ACP2: variants seen among roughly 807,000 people sequenced by gnomAD.
ACP2 encodes the protein acid phosphatase 2, lysosomal, also known as lysosomal acid phosphatase.
ACP2 carries 35 observed loss-of-function variants against 54.7 expected under a neutral mutation model. The ratio of observed to expected loss-of-function variants is 0.64; its 90% CI spans 0.49 to 0.85. The LOEUF (loss-of-function observed/expected upper bound fraction) is 0.85, where lower values mean the gene tolerates loss of function less well. Among genes scored for constraint, ACP2 ranks in the 40% least tolerant of loss-of-function variants. ACP2 has a pLI of 0.00. For missense variants in ACP2, 492 were observed against 565.0 expected, an observed-to-expected ratio of 0.87 and a Z score of 1.31; for synonymous variants, 210 against 224.4, an observed-to-expected ratio of 0.94 and a Z score of 0.57.
At chr11:47,241,768 G>A (rs1407582715) in intron 10 of ACP2, among the ~76,000 whole-genome samples, 1 of 152,210 alleles carries the variant, frequency 6.6e-6, no homozygotes, top group African/African-American at 2.4e-5. Context: ...TCGTGGCATT[G>A]ACTGAAACAA....
chr11:47,240,764 T>G (rs1419645046), intron 10 of ACP2, among the ~76,000 whole-genome samples: 1 of 149,140 alleles, frequency 6.7e-6, no homozygotes, highest in Non-Finnish European at 1.5e-5. Flanking sequence ...GAGGTTGCAG[T>G]GAGCCGAGAT....
Position 47,239,923 on chromosome 11 carries a change from A to G in ACP2, c.*193T>C, listed in dbSNP as rs548241474. 20 of 595,106 alleles carry G rather than the reference A, an allele frequency of 3.4e-5. No individual in the cohort carries two copies. In the South Asian group the frequency reaches 4.4e-4, roughly 13 times the overall value. The allele number at this position is 595,106 out of a possible 1,614,324, so 36.9% of individuals were successfully genotyped here. A position where few individuals can be genotyped will look rare whatever the true frequency, so the allele number is the denominator to read the frequency against. ...CCAGTGTCCAACACAGCACTTGGTA[A>G]ACATCAGGCATGGGAATGCTGAGTG... On this transcript the variant is annotated 3_prime_UTR_variant, in exon 11 of 11. Coordinates refer to ENST00000672073, the MANE Select transcript of ACP2 (RefSeq NM_001610.4).
At chr11:47,244,081 G>A (rs1953966371) in intron 7 of ACP2, among the ~76,000 whole-genome samples, 1 of 152,152 alleles carries the variant, frequency 6.6e-6, no homozygotes, top group African/African-American at 2.4e-5. Context: ...AGGCTGCAAT[G>A]AGCCGAGATC....
Position 47,248,740 on chromosome 11 carries a change from A to AGGAGCTGGAGGAGAGCCGCCCGGCT in ACP2, c.25_49dup (p.Leu17GlnfsTer100). 6.2e-7 allele frequency: 1 copy of AGGAGCTGGAGGAGAGCCGCCCGGCT among 1,609,418 alleles called. No individual in the cohort carries two copies. The highest frequency in any genetic ancestry group is 8.5e-7 in the Non-Finnish European group (1 of 1,178,212). ...CATCACCACCAGGTTCACGCCGAGA[A>AGGAGCTGGAGGAGAGCCGCCCGGCT]GGAGCTGGAGGAGAGCCGCCCGGCT... is the stretch of plus-strand genomic sequence containing the variant. On this transcript the variant is annotated frameshift_variant, in exon 1 of 11. Coordinates refer to ENST00000672073, the MANE Select transcript of ACP2 (RefSeq NM_001610.4). LOFTEE classifies it high-confidence loss of function.
intron 1 of ACP2, 63 bp from the exon 2 acceptor site, chr11:47,248,196 T>C: frequency 6.9e-7 from 1 of 1,458,708 alleles, no homozygotes; most frequent in Non-Finnish European, 9.3e-7. Context: ...ACCCAGAGCC[T>C]ACCTTTTGCC....
At chr11:47,243,213 G>C (rs777305288) in intron 8 of ACP2, 26 bp downstream of exon 8, 3 of 1,613,648 alleles carry the variant, frequency 1.9e-6, no homozygotes, top group Non-Finnish European at 2.5e-6. Flanking sequence ...GCCTGACACA[G>C]CACGCTAGGG....
intron 6 of ACP2, 141 bp downstream of exon 6, chr11:47,245,164 A>G (rs1954018943): frequency 6.9e-6 from 7 of 1,007,598 alleles, no homozygotes; most frequent in Admixed American, 5.2e-5. Flanking sequence ...CCATGAGGGA[A>G]GTTCCCGTGT....
chr11:47,247,484 C>T, intron 3 of ACP2, 157 bp downstream of exon 3: 3 of 831,694 alleles, frequency 3.6e-6, no homozygotes, highest in Non-Finnish European at 5.8e-6. Flanking sequence ...GCTCCTAGGG[C>T]TTTGTTCCAG....
chr11:47,246,842 C>T (rs1026016479), intron 3 of ACP2, among the ~76,000 whole-genome samples: 1 of 151,994 alleles, frequency 6.6e-6, no homozygotes, highest in Non-Finnish European at 1.5e-5. Flanking sequence ...TGTCACTGCA[C>T]TCCAGCCTGA....
rs1372018035 is a variant in ACP2 at position 47,243,288 on chromosome 11, G to A, written c.806C>T (p.Thr269Ile). 10 of 1,614,192 alleles carry A rather than the reference G, an allele frequency of 6.2e-6. No individual in the cohort carries two copies. The South Asian group carries it at 1.1e-4, about 18-fold the overall frequency. Residue 269 changes from threonine (T) to isoleucine (I), a missense_variant, in exon 8 of 11, where the codon ACC (threonine) becomes ATC (isoleucine). Thr to Ile is a moderately conservative substitution (Grantham distance 89, BLOSUM62 -1). Transcript: ENST00000672073. Reference sequence around the variant, plus strand: ...GAGCTGGGAGGTGGTCGCCATTAGGGTCAGGTTCTTCCTTATCTGAGCCAG... The same window carrying A: ...GAGCTGGGAGGTGGTCGCCATTAGGATCAGGTTCTTCCTTATCTGAGCCAG... ...VLLAQIRKNLTLMATTSQLPK... is the reference protein window; with the variant it reads ...VLLAQIRKNLILMATTSQLPK...
In ACP2 at chr11:47,244,642, G is replaced by A. The variant is rs1017465473; in HGVS notation, c.772+93C>T. ...TTTTGAAAGAGCAGGGAGTGTTTCA[G>A]TAGAGAGGGAAGTGTGTGAGAAGCC... On this transcript the variant is annotated intron_variant, in intron 7 of 10. Transcript: ENST00000672073. 7.8e-6 allele frequency: 8 copies of A among 1,022,466 alleles called. No individual in the cohort carries two copies. In the African/African-American group the frequency reaches 1.3e-4, roughly 16 times the overall value. The allele number at this position is 1,022,466 out of a possible 1,614,324, so 63.3% of individuals were successfully genotyped here. A position where few individuals can be genotyped will look rare whatever the true frequency, so the allele number is the denominator to read the frequency against.
chr11:47,246,609 C>G (rs1954104864), intron 3 of ACP2, among the ~76,000 whole-genome samples: 1 of 151,988 alleles, frequency 6.6e-6, no homozygotes, highest in Non-Finnish European at 1.5e-5. Context: ...GGCACGGTGG[C>G]TCATGCCTGT....
At chr11:47,244,677 G>A in intron 7 of ACP2, 58 bp downstream of exon 7, 1 of 1,418,950 alleles carries the variant, frequency 7.0e-7, no homozygotes, top group Non-Finnish European at 9.5e-7. Context: ...CCCCACAGCA[G>A]ATTTTTAACG....
chr11:47,245,510 C>T lies in ACP2; in HGVS notation c.513G>A (p.Gln171=), dbSNP rs369792561. Residue 171 remains glutamine, a synonymous_variant, in exon 5 of 11, where the codon CAG becomes CAA. Coordinates refer to ENST00000672073, the MANE Select transcript of ACP2 (RefSeq NM_001610.4). ...AACTCTCATTCTGATACTCTGGTGTCTGCCGGGTCTCGTTCTGCAGCTGCT... is the reference window on the plus strand; with the variant it reads ...AACTCTCATTCTGATACTCTGGTGTTTGCCGGGTCTCGTTCTGCAGCTGCT... ...RYEQLQNETR[Q]TPEYQNESSR... 1.5e-5 allele frequency: 24 copies of T among 1,614,250 alleles called. No individual in the cohort carries two copies. The East Asian group carries it at 3.8e-4, about 25-fold the overall frequency.
intron 2 of ACP2, 82 bp from the exon 3 acceptor site, chr11:47,247,809 C>G (rs1565167529): frequency 1.4e-6 from 2 of 1,388,054 alleles, no homozygotes; most frequent in East Asian, 4.6e-5. Flanking sequence ...CTGTTGCTTT[C>G]CAGGTTCACG....
intron 10 of ACP2, among the ~76,000 whole-genome samples, chr11:47,241,743 G>A (rs1311686353): frequency 2.0e-5 from 3 of 152,204 alleles, no homozygotes; most frequent in Non-Finnish European, 4.4e-5. Flanking sequence ...GGGTTATACT[G>A]TGCCACTAGG....
At chr11:47,241,240 G>A (rs1391656394) in intron 10 of ACP2, among the ~76,000 whole-genome samples, 2 of 152,206 alleles carry the variant, frequency 1.3e-5, no homozygotes, top group African/African-American at 4.8e-5. Flanking sequence ...TAACTCAGTC[G>A]GCCGCGGTGG....
chr11:47,247,560 G>A (rs1213158763), intron 3 of ACP2, 81 bp downstream of exon 3: 3 of 1,521,482 alleles, frequency 2.0e-6, no homozygotes, highest in Non-Finnish European at 1.8e-6. Context: ...AAAGTGCCCA[G>A]CCTCAGCCTT....
At chr11:47,241,060 C>T (rs970264386) in intron 10 of ACP2, among the ~76,000 whole-genome samples, 1 of 152,166 alleles carries the variant, frequency 6.6e-6, no homozygotes, top group Non-Finnish European at 1.5e-5. Context: ...GAGTCAGTCT[C>T]ACCAGAGTAG....
Sources: gnomAD v4.1 joint callset for allele counts (sites outside exome capture counted in the v4.1 genomes callset) on GRCh38, gnomAD v4.1.1 for gene constraint, MANE v1.5 for transcripts, NCBI Gene and HGNC (gene_info 2026-07-23, HGNC 2026-07-21) for gene names.